STIP1: variants seen among roughly 807,000 people sequenced by gnomAD.
STIP1 encodes stress induced phosphoprotein 1.
STIP1 carries 16 observed loss-of-function variants against 77.4 expected under a neutral mutation model. That is an observed-to-expected ratio of 0.21 (90% CI 0.14 to 0.31). The LOEUF (loss-of-function observed/expected upper bound fraction) is 0.31, where lower values mean the gene tolerates loss of function less well. Among genes scored for constraint, STIP1 ranks in the 10% least tolerant of loss-of-function variants. STIP1 has a pLI of 1.00. For synonymous variants in STIP1, 258 were observed against 246.6 expected (o/e 1.05, Z -0.44); for missense variants, 524 against 684.8 (o/e 0.77, Z 2.62).
At chr11:64,187,094 C>T (rs1432027106) in intron 1 of STIP1, among the ~76,000 whole-genome samples, 1 of 152,086 alleles carries the variant, frequency 6.6e-6, no homozygotes, top group Non-Finnish European at 1.5e-5. Context: ...AGACAATTTA[C>T]AGAGATCAAC....
Position 64,200,308 on chromosome 11 carries a change from G to C in STIP1, c.1245+15G>C, listed in dbSNP as rs1020582385. 31 of 1,598,046 alleles carry C rather than the reference G, an allele frequency of 1.9e-5. No individual in the cohort carries two copies. The highest frequency in any genetic ancestry group is 2.6e-5 in the Non-Finnish European group (31 of 1,173,976). ...TGGCACTCAAGGTGACGAGACCTGT[G>C]GGGGCGGCCATTACTGAAAGCCTGC... is the stretch of plus-strand genomic sequence containing the variant. On this transcript the variant is annotated intron_variant, in intron 10 of 13. Coordinates refer to ENST00000305218, the MANE Select transcript of STIP1 (RefSeq NM_006819.3).
At position 64,192,975 on chromosome 11, in the gene STIP1, C is replaced by T. The variant is rs1946109283; in HGVS notation, c.10-103C>T. On this transcript the variant is annotated intron_variant, in intron 1 of 13. Coordinates refer to ENST00000305218, the MANE Select transcript of STIP1 (RefSeq NM_006819.3). ...TTCTCTCTTCTGATCTGTAAAGTCA[C>T]CTATTTATTTGTTGGTAACTACATG... The T allele has an allele frequency of 6.5e-6, 7 of 1,082,858 alleles. No homozygotes were observed. In the South Asian group the frequency reaches 7.0e-5, roughly 11 times the overall value. The allele number at this position is 1,082,858 out of a possible 1,614,324, so 67.1% of individuals were successfully genotyped here.
intron 10 of STIP1, chr11:64,202,627 A>G: frequency 3.6e-6 from 2 of 551,272 alleles, no homozygotes; most frequent in East Asian, 3.1e-5. Context: ...TCTAGTTGTC[A>G]TGTACTCTTC....
Position 64,194,185 on chromosome 11 carries a change from T to G in STIP1, c.220-4T>G. On this transcript the variant is annotated splice_region_variant and splice_polypyrimidine_tract_variant and intron_variant, in intron 2 of 13. Coordinates refer to ENST00000305218, the MANE Select transcript of STIP1 (RefSeq NM_006819.3). ...TATTTTGTGTCTGTCTTTGGTGGTT[T>G]AAGGGCTATTCACGAAAAGCAGCAG... 1 of 1,613,008 alleles carries G rather than the reference T, an allele frequency of 6.2e-7. No homozygotes were observed. The highest frequency in any genetic ancestry group is 8.5e-7 in the Non-Finnish European group (1 of 1,179,692).
chr11:64,192,994 C>G (rs781675772), intron 1 of STIP1, 84 bp from the exon 2 acceptor site: 3 of 1,311,944 alleles, frequency 2.3e-6, no homozygotes, highest in Non-Finnish European at 3.2e-6. Context: ...TTGTTGGTAA[C>G]TACATGAAAG....
intron 1 of STIP1, among the ~76,000 whole-genome samples, chr11:64,187,058 G>A (rs1946030824): frequency 6.6e-6 from 1 of 152,134 alleles, no homozygotes; most frequent in Non-Finnish European, 1.5e-5. Flanking sequence ...TGAAAGATGG[G>A]TTTCTGACGA....
chr11:64,191,827 T>TCA (rs767198452), intron 1 of STIP1, among the ~76,000 whole-genome samples: 1 of 151,102 alleles, frequency 6.6e-6, no homozygotes, highest in Non-Finnish European at 1.5e-5. Flanking sequence ...GGCAGAAAGA[T>TCA]CACACACAAG....
At chr11:64,192,015 T>A (rs1946098466) in intron 1 of STIP1, among the ~76,000 whole-genome samples, 2 of 151,836 alleles carry the variant, frequency 1.3e-5, no homozygotes, top group Non-Finnish European at 2.9e-5. Flanking sequence ...CCTCACTTTT[T>A]AAAACTGCTG....
Position 64,194,217 on chromosome 11 carries a change from A to C in STIP1, c.248A>C (p.Glu83Ala), listed in dbSNP as rs202082992. Residue 83 changes from glutamate to alanine, a missense_variant, in exon 3 of 14, where the codon GAG becomes GCG. Transcript: ENST00000305218. ...KGYSRKAAAL[E>A]FLNRFEEAKR... ...TATTCACGAAAAGCAGCAGCTCTAG[A>C]GTTCTTAAACCGCTTTGAAGAAGCC... 1.7e-5 allele frequency: 27 copies of C among 1,614,166 alleles called. No individual in the cohort carries two copies. The highest frequency in any genetic ancestry group is 2.1e-5 in the Non-Finnish European group (25 of 1,180,040).
At chr11:64,185,616 G>A (rs1360926322), upstream of STIP1, 3 of 625,698 alleles carry the variant, frequency 4.8e-6, no homozygotes, top group South Asian at 2.1e-5. Context: ...TGGAACTCGC[G>A]GCACTCGGGA....
At chr11:64,193,896 A>G (rs1281182221) in intron 2 of STIP1, among the ~76,000 whole-genome samples, 1 of 152,208 alleles carries the variant, frequency 6.6e-6, no homozygotes, top group Non-Finnish European at 1.5e-5. Flanking sequence ...CAGCCTGGGT[A>G]ACATAAGGAG....
Position 64,195,554 on chromosome 11 carries a change from G to A in STIP1, c.504-91G>A, listed in dbSNP as rs544188202. ...ATGGGTGAGGAGCTTCTAAACACAA[G>A]AATCTGACTTTAGTAGTAAGTGGGA... On this transcript the variant is annotated intron_variant, in intron 4 of 13. Transcript: ENST00000305218. 3.9e-5 allele frequency: 51 copies of A among 1,320,344 alleles called. No homozygotes were observed. The African/African-American group carries it at 7.0e-4, about 18-fold the overall frequency. 81.8% of individuals were successfully genotyped at this position (1,320,344 alleles called of 1,614,324 possible).
chr11:64,185,620 C>G, upstream of STIP1: 2 of 648,140 alleles, frequency 3.1e-6, no homozygotes, highest in Non-Finnish European at 5.1e-6. Flanking sequence ...ACTCGCGGCA[C>G]TCGGGAGCGA....
chr11:64,203,011 G>A, intron 11 of STIP1, 99 bp downstream of exon 11: 2 of 1,601,296 alleles, frequency 1.2e-6, no homozygotes, highest in South Asian at 1.1e-5. Flanking sequence ...GGGACCTGTA[G>A]GATTTAGGAT....
upstream of STIP1, chr11:64,185,896 C>G (rs915726808): frequency 6.5e-6 from 10 of 1,536,042 alleles, no homozygotes; most frequent in African/African-American, 1.4e-4. Context: ...GCGGCCAGCG[C>G]GGCTACGATT....
In STIP1 at chr11:64,197,330, C is replaced by T; in HGVS notation, c.732C>T (p.Ala244=). Residue 244 remains alanine (A), a synonymous_variant, in exon 6 of 14, where the codon GCC becomes GCT. Transcript: ENST00000305218. Reference sequence around the variant, plus strand: ...ACAAGAAGAAAGACTTTGACACAGCCTTGAAGCATTACGACAAAGCCAAGG... The same window carrying T: ...ACAAGAAGAAAGACTTTGACACAGCTTTGAAGCATTACGACAAAGCCAAGG... ...DAYKKKDFDT[A]LKHYDKAKEL... is the part of the protein sequence containing the mutation. 6.2e-7 allele frequency: 1 copy of T among 1,613,986 alleles called. No homozygotes were observed. The highest frequency in any genetic ancestry group is 1.1e-5 in the South Asian group (1 of 91,066).
Position 64,194,461 on chromosome 11 carries a change from T to C in STIP1, c.362-18T>C. On this transcript the variant is annotated intron_variant, in intron 3 of 13. Coordinates refer to ENST00000305218, the MANE Select transcript of STIP1 (RefSeq NM_006819.3). ...GTGAACTCATTTCATAGTGATGTGCTTTCCTTTATTTGGACAGAGAGAAAA... is the reference window on the plus strand; with the variant it reads ...GTGAACTCATTTCATAGTGATGTGCCTTCCTTTATTTGGACAGAGAGAAAA... 2 of 1,614,038 alleles carry C rather than the reference T, an allele frequency of 1.2e-6. No individual in the cohort carries two copies. Among genetic ancestry groups the C allele is most frequent in the South Asian group, 1.1e-5 (1 of 91,064 alleles).
At chr11:64,202,016 C>T (rs1052281222) in intron 10 of STIP1, among the ~76,000 whole-genome samples, 1 of 152,150 alleles carries the variant, frequency 6.6e-6, no homozygotes, top group Non-Finnish European at 1.5e-5. Context: ...GAACTGTTTG[C>T]GAAAGGAAAT....
intron 12 of STIP1, 23 bp from the exon 13 acceptor site, chr11:64,203,427 C>T (rs1591016926): frequency 6.2e-7 from 1 of 1,613,754 alleles, no homozygotes; most frequent in Non-Finnish European, 8.5e-7. Flanking sequence ...ACACGCTTCA[C>T]CTTTGTCTCT....
Sources: allele counts gnomAD v4.1 joint callset (sites outside exome capture counted in the v4.1 genomes callset), GRCh38; gene constraint gnomAD v4.1.1; transcripts MANE v1.5; gene names NCBI Gene and HGNC (gene_info 2026-07-23, HGNC 2026-07-21).